Variants in CSMD3 observed in about 807,000 individuals in gnomAD.
CSMD3 encodes CUB and sushi domain-containing protein 3.
CSMD3 carries 177 observed loss-of-function variants against 435.2 expected under a neutral mutation model. The ratio of observed to expected loss-of-function variants is 0.41; its 90% CI spans 0.36 to 0.46. The LOEUF (loss-of-function observed/expected upper bound fraction) is 0.46. Ranked by LOEUF, CSMD3 falls within the 20% of genes least tolerant of loss-of-function variation. The probability of loss-of-function intolerance (pLI) is 0.34; values close to 1 mark genes in which losing one functional copy is unlikely to be tolerated. For missense variants in CSMD3, 4,265 were observed against 4,504.6 expected (o/e 0.95, Z 1.52); for synonymous variants, 1,656 against 1,520.5 (o/e 1.09, Z -2.07).
At chr8:112,670,998 T>C (rs1031726293) in intron 16 of CSMD3, among the ~76,000 whole-genome samples, 14 of 152,182 alleles carry the variant, frequency 9.2e-5, no homozygotes, top group Non-Finnish European at 2.9e-5. Flanking sequence ...AGTATATCAC[T>C]ACAACACTGA....
intron 32 of CSMD3, among the ~76,000 whole-genome samples, chr8:112,465,302 G>T (rs2130707031): frequency 6.6e-6 from 1 of 152,226 alleles, no homozygotes; most frequent in East Asian, 1.9e-4. Context: ...CCAATTATCA[G>T]ATAGTAAATA....
At chr8:112,853,330 A>G (rs1479115751) in intron 11 of CSMD3, among the ~76,000 whole-genome samples, 1 of 152,102 alleles carries the variant, frequency 6.6e-6, no homozygotes, top group Non-Finnish European at 1.5e-5. Context: ...GGTTCAAGCA[A>G]TTCTCCTGCC....
At chr8:112,241,883 C>T in intron 65 of CSMD3, 98 bp from the exon 66 acceptor site, 1 of 812,152 alleles carries the variant, frequency 1.2e-6, no homozygotes, top group East Asian at 2.5e-5. Context: ...GTGTGATGCA[C>T]TGTCCATTTT....
intron 68 of CSMD3, among the ~76,000 whole-genome samples, chr8:112,234,131 A>C (rs73706795): frequency 0.03 from 4,509 of 151,222 alleles, 224 homozygotes; most frequent in African/African-American, 0.1. Context: ...ACCCTCCCCC[A>C]CACACACGTA....
intron 17 of CSMD3, among the ~76,000 whole-genome samples, chr8:112,659,212 T>G (rs117226671): frequency 1.9e-3 from 291 of 152,294 alleles, no homozygotes; most frequent in Middle Eastern, 0.01. Flanking sequence ...CATTGCAGAT[T>G]TGCCCTGAGG....
At chr8:112,753,101 C>G (rs926366742) in intron 13 of CSMD3, among the ~76,000 whole-genome samples, 3 of 151,972 alleles carry the variant, frequency 2.0e-5, no homozygotes, top group African/African-American at 7.3e-5. Flanking sequence ...ATTTTTTTAT[C>G]TACTATGTAT....
intron 3 of CSMD3, among the ~76,000 whole-genome samples, chr8:113,219,350 C>G (rs2092941748): frequency 6.6e-6 from 1 of 150,910 alleles, no homozygotes; most frequent in African/African-American, 2.4e-5. Flanking sequence ...AATGATAAAC[C>G]TAATTCAAAA....
At position 112,976,228 on chromosome 8, in the gene CSMD3, T is replaced by C. The variant is rs1282117218; in HGVS notation, c.1031-80A>G. The C allele has an allele frequency of 6.9e-6, 10 of 1,444,220 alleles. 1 individual carries two copies. The Admixed American group carries it at 1.3e-4, about 18-fold the overall frequency. 89.5% of individuals were successfully genotyped at this position (1,444,220 alleles called of 1,614,324 possible). ...TTTTTCTGATAAATTTAATCAATCA[T>C]ATTCTCTTCTATTACCTTAAGGATA... On this transcript the variant is annotated intron_variant, in intron 6 of 70. Transcript: ENST00000297405.
chr8:112,275,734 A>C (rs1817981475), intron 59 of CSMD3, among the ~76,000 whole-genome samples: 1 of 152,162 alleles, frequency 6.6e-6, no homozygotes, highest in Non-Finnish European at 1.5e-5. Flanking sequence ...TATTCACTAC[A>C]TGAGACAAGT....
At chr8:113,382,877 A>G (rs914448320) in intron 1 of CSMD3, among the ~76,000 whole-genome samples, 1 of 152,164 alleles carries the variant, frequency 6.6e-6, no homozygotes, top group Admixed American at 6.6e-5. Context: ...GCTACTTGGG[A>G]GGCTGAGGCA....
rs531799368 is a variant in CSMD3, at chr8:112,276,537, G to A, written c.9508+4637C>T. On this transcript the variant is annotated intron_variant, in intron 59 of 70. Transcript: ENST00000297405. ...TCTGTGACAGCTCCTCCCATCACAG[G>A]CCTGGAAGTCTAGGAGGAAAAAACG... Among the ~76,000 whole-genome samples, 137 of 152,104 alleles carry A rather than the reference G, an allele frequency of 9.0e-4. 1 individual carries two copies. The highest frequency in any genetic ancestry group is 1.0e-3 in the Non-Finnish European group (70 of 67,984).
chr8:112,997,867 T>C (rs1404463693), intron 6 of CSMD3, among the ~76,000 whole-genome samples: 4 of 145,914 alleles, frequency 2.7e-5, no homozygotes, highest in African/African-American at 1.0e-4. Context: ...TGTGTGTATA[T>C]ATATATATAT....
intron 23 of CSMD3, among the ~76,000 whole-genome samples, chr8:112,574,955 T>A (rs547309331): frequency 6.6e-6 from 1 of 151,966 alleles, no homozygotes; most frequent in South Asian, 2.1e-4. Flanking sequence ...CATAATTACA[T>A]TGATGTCACC....
chr8:113,112,243 T>A (rs921364387), intron 4 of CSMD3, among the ~76,000 whole-genome samples: 3 of 151,306 alleles, frequency 2.0e-5, no homozygotes, highest in Non-Finnish European at 4.4e-5. Flanking sequence ...ATTACAGTTT[T>A]TGAGAATGCA....
intron 32 of CSMD3, among the ~76,000 whole-genome samples, chr8:112,409,762 A>G (rs1355020818): frequency 1.3e-5 from 2 of 151,990 alleles, no homozygotes; most frequent in Non-Finnish European, 2.9e-5. Context: ...TCCTTTAATT[A>G]CATACTAAAC....
intron 2 of CSMD3, among the ~76,000 whole-genome samples, chr8:113,295,825 C>T (rs955293008): frequency 2.6e-5 from 4 of 152,134 alleles, no homozygotes; most frequent in Non-Finnish European, 4.4e-5. Flanking sequence ...ATAAATCATG[C>T]TGCTATAAAG....
At chr8:112,601,076 T>C (rs1422362714) in intron 22 of CSMD3, among the ~76,000 whole-genome samples, 1 of 152,026 alleles carries the variant, frequency 6.6e-6, no homozygotes, top group Non-Finnish European at 1.5e-5. Context: ...TCATTATTCT[T>C]GGAAGTGTGA....
At chr8:112,848,589 A>T (rs2080394081) in intron 11 of CSMD3, among the ~76,000 whole-genome samples, 1 of 152,140 alleles carries the variant, frequency 6.6e-6, no homozygotes, top group African/African-American at 2.4e-5. Flanking sequence ...GGGATGAAAA[A>T]TAAGCATATA....
chr8:113,251,085 ATCTAC>A (rs2093331041), intron 3 of CSMD3, among the ~76,000 whole-genome samples: 1 of 152,166 alleles, frequency 6.6e-6, no homozygotes, highest in Non-Finnish European at 1.5e-5. Context: ...GTTATTCAGT[ATCTAC>A]TATGTGCAAA....
Sources: allele counts gnomAD v4.1 joint callset (sites outside exome capture counted in the v4.1 genomes callset), GRCh38; gene constraint gnomAD v4.1.1; transcripts MANE v1.5; gene names NCBI Gene and HGNC (gene_info 2026-07-23, HGNC 2026-07-21).